The following NRG1 variants were observed in gnomAD, a reference collection of about 807,000 sequenced individuals.
NRG1 encodes the protein pro-neuregulin-1, membrane-bound isoform.
A neutral mutation model predicts 63.8 loss-of-function variants in NRG1; 18 were observed. The ratio of observed to expected loss-of-function variants is 0.28; its 90% CI spans 0.19 to 0.42. The LOEUF (loss-of-function observed/expected upper bound fraction) is 0.42. NRG1 is among the 10% of genes least tolerant of loss of function. The probability of loss-of-function intolerance (pLI) is 1.00; values close to 1 mark genes in which losing one functional copy is unlikely to be tolerated. For synonymous variants in NRG1, 302 were observed against 301.3 expected, an observed-to-expected ratio of 1.00 and a Z score of -0.02; for missense variants, 762 against 814.7, an observed-to-expected ratio of 0.94 and a Z score of 0.79.
chr8:32,483,718 G>C (rs1825572313), intron 1 of NRG1, among the ~76,000 whole-genome samples: 1 of 152,190 alleles, frequency 6.6e-6, no homozygotes, highest in African/African-American at 2.4e-5. Context: ...CTACTGAGAA[G>C]AGGGGATGTG....
chr8:32,057,407 G>C (rs1419691193), intron 1 of NRG1, among the ~76,000 whole-genome samples: 1 of 152,130 alleles, frequency 6.6e-6, no homozygotes, highest in Non-Finnish European at 1.5e-5. Context: ...AAGGTTCAAA[G>C]GTGTGCACAT....
chr8:32,434,194 T>TAAAATAAAATAAAA (rs1818507829), intron 1 of NRG1, among the ~76,000 whole-genome samples: 1 of 151,144 alleles, frequency 6.6e-6, no homozygotes, highest in Non-Finnish European at 1.5e-5. Flanking sequence ...CAAAATAAAA[T>TAAAATAAAATAAAA]AAAATAAAAT....
intron 5 of NRG1, among the ~76,000 whole-genome samples, chr8:32,660,275 G>C (rs565696717): frequency 1.3e-5 from 2 of 152,114 alleles, no homozygotes; most frequent in Non-Finnish European, 2.9e-5. Flanking sequence ...AACACTTCTG[G>C]CCCTAAGCCT....
At chr8:32,561,857 G>A (rs1012967223) in intron 1 of NRG1, among the ~76,000 whole-genome samples, 3 of 150,630 alleles carry the variant, frequency 2.0e-5, no homozygotes, top group Non-Finnish European at 4.4e-5. Context: ...TTTTTGGGGG[G>A]TGGGGGGTGG....
At chr8:32,644,243 G>A (rs936151520) in intron 5 of NRG1, among the ~76,000 whole-genome samples, 9 of 152,192 alleles carry the variant, frequency 5.9e-5, no homozygotes, top group Non-Finnish European at 1.2e-4. Context: ...AAAAAATTGT[G>A]TAGTTTATTT....
chr8:31,929,074 T>C (rs1250882041), intron 1 of NRG1, among the ~76,000 whole-genome samples: 1 of 152,204 alleles, frequency 6.6e-6, no homozygotes, highest in Non-Finnish European at 1.5e-5. Flanking sequence ...GCAAGTTTGA[T>C]TCTGGATCTG....
At chr8:32,291,717 G>A (rs6987236) in intron 1 of NRG1, among the ~76,000 whole-genome samples, 3,861 of 151,698 alleles carry the variant, frequency 0.025, 143 homozygotes, top group African/African-American at 0.086. Context: ...TAATTTGTTC[G>A]TATTTTTAGT....
chr8:32,428,053 G>A (rs1040773827), intron 1 of NRG1, among the ~76,000 whole-genome samples: 27 of 152,194 alleles, frequency 1.8e-4, no homozygotes, highest in Admixed American at 1.1e-3. Flanking sequence ...TCCACATCAC[G>A]TCCCTAAGGG....
chr8:31,900,204 G>A (rs1302439080), intron 1 of NRG1, among the ~76,000 whole-genome samples: 3 of 152,134 alleles, frequency 2.0e-5, no homozygotes, highest in Admixed American at 6.5e-5. Flanking sequence ...TCCAGTATGT[G>A]AAAATACTTA....
intron 1 of NRG1, among the ~76,000 whole-genome samples, chr8:32,086,473 A>G (rs1828237163): frequency 7.0e-6 from 1 of 142,970 alleles, no homozygotes; most frequent in South Asian, 2.2e-4. Flanking sequence ...TGTGAGCATC[A>G]GTTATGAATA....
chr8:32,486,720 G>A (rs979121980), intron 1 of NRG1, among the ~76,000 whole-genome samples: 3 of 151,024 alleles, frequency 2.0e-5, no homozygotes, highest in African/African-American at 7.3e-5. Flanking sequence ...CACCTCCTGG[G>A]TTCAAGCAGT....
At chr8:32,482,216 A>G (rs1302057117) in intron 1 of NRG1, among the ~76,000 whole-genome samples, 1 of 152,198 alleles carries the variant, frequency 6.6e-6, no homozygotes, top group African/African-American at 2.4e-5. Flanking sequence ...GGAAAAAAAA[A>G]AGAAAATTCC....
chr8:32,531,052 T>G (rs1450526674), intron 1 of NRG1, among the ~76,000 whole-genome samples: 1 of 151,700 alleles, frequency 6.6e-6, no homozygotes, highest in South Asian at 2.1e-4. Context: ...GAGCAGAGAC[T>G]ATACCACTGC....
At chr8:32,658,751 C>T (rs1802111386) in intron 5 of NRG1, among the ~76,000 whole-genome samples, 1 of 152,174 alleles carries the variant, frequency 6.6e-6, no homozygotes, top group Admixed American at 6.5e-5. Context: ...TTAATTGAAA[C>T]ATTTTTTCTG....
At chr8:31,884,785 A>C (rs1276104384) in intron 1 of NRG1, among the ~76,000 whole-genome samples, 1 of 152,130 alleles carries the variant, frequency 6.6e-6, no homozygotes, top group East Asian at 1.9e-4. Context: ...GGAGTAATCC[A>C]TTTGACATTT....
chr8:31,871,508 G>A (rs1020618185), intron 1 of NRG1, among the ~76,000 whole-genome samples: 4 of 151,866 alleles, frequency 2.6e-5, no homozygotes, highest in Admixed American at 2.6e-4. Context: ...AATTCCAGGG[G>A]TTCTTACTGC....
intron 1 of NRG1, among the ~76,000 whole-genome samples, chr8:32,480,643 T>C (rs1264360974): frequency 3.3e-5 from 5 of 152,286 alleles, no homozygotes; most frequent in African/African-American, 4.8e-5. Flanking sequence ...TTATTTTGGC[T>C]CATGGTTCTG....
intron 1 of NRG1, chr8:31,641,747 T>A (rs1262815252): frequency 6.6e-6 from 1 of 152,130 alleles, no homozygotes; most frequent in Non-Finnish European, 1.5e-5. Flanking sequence ...CCAACATGCA[T>A]AATAGCTTTT....
chr8:32,646,911 AAG>A (rs1443823786), intron 5 of NRG1: 11 of 984,622 alleles, frequency 1.1e-5, no homozygotes, highest in Admixed American at 6.2e-5. Flanking sequence ...AGGGGGAGGA[AAG>A]AGAGAGAGGA....
Sources: gnomAD v4.1 joint callset for allele counts (sites outside exome capture counted in the v4.1 genomes callset) on GRCh38, gnomAD v4.1.1 for gene constraint, MANE v1.5 for transcripts, NCBI Gene and HGNC (gene_info 2026-07-23, HGNC 2026-07-21) for gene names.